The following CDKL5 variants were observed in gnomAD, a reference collection of about 807,000 sequenced individuals.
The protein encoded by CDKL5 is cyclin dependent kinase like 5, also known as cyclin-dependent kinase-like 5.
CDKL5 carries 8 observed loss-of-function variants against 61.7 expected under a neutral mutation model. The ratio of observed to expected loss-of-function variants is 0.13; its 90% CI spans 0.08 to 0.23. The LOEUF (loss-of-function observed/expected upper bound fraction) is 0.23, where lower values mean the gene tolerates loss of function less well. CDKL5 is among the 10% of genes least tolerant of loss of function. The probability of loss-of-function intolerance (pLI) is 1.00; values close to 1 mark genes in which losing one functional copy is unlikely to be tolerated. For synonymous variants in CDKL5, 275 were observed against 272.3 expected, an observed-to-expected ratio of 1.01 and a Z score of -0.10; for missense variants, 440 against 734.5, an observed-to-expected ratio of 0.60 and a Z score of 4.63.
chrX:18,425,797 C>T (rs1457092409), intron 1 of CDKL5, 102 bp downstream of exon 1: 1 of 112,334 alleles, frequency 8.9e-6, no homozygotes, highest in Non-Finnish European at 1.9e-5. Flanking sequence ...CCCAGTCCCC[C>T]CGGGCGGACA....
intron 4 of CDKL5, 105 bp downstream of exon 4, chrX:18,564,627 A>G (rs1417745125): frequency 2.1e-5 from 5 of 241,706 alleles, no homozygotes; most frequent in Non-Finnish European, 2.2e-5. Context: ...AGCTGGTCAG[A>G]CACTGTCTAT....
At chrX:18,559,857 C>T (rs2147129014) in intron 3 of CDKL5, among the ~76,000 whole-genome samples, 1 of 97,133 alleles carries the variant, frequency 1.0e-5, no homozygotes, top group African/African-American at 3.8e-5. Context: ...TTGTTCAGTT[C>T]CCATCTATGA....
At chrX:18,652,404 C>G (rs1218905950) in intron 21 of CDKL5, among the ~76,000 whole-genome samples, 2 of 112,443 alleles carry the variant, frequency 1.8e-5, no homozygotes, top group Non-Finnish European at 3.8e-5. Context: ...TGCAGTGGCT[C>G]ACGCCTGTAA....
downstream of CDKL5, chrX:18,644,631 G>A (rs372728604): frequency 5.8e-6 from 7 of 1,207,014 alleles, no homozygotes; most frequent in African/African-American, 3.5e-5. Context: ...CACACCTGCC[G>A]AGAACATACC....
intron 21 of CDKL5, among the ~76,000 whole-genome samples, chrX:18,650,881 G>A (rs1399702783): frequency 1.8e-5 from 2 of 112,423 alleles, no homozygotes; most frequent in Non-Finnish European, 3.8e-5. Flanking sequence ...GGGGCATGAT[G>A]TAGTACCTGT....
At chrX:18,524,401 CAG>C (rs1043264464) in intron 3 of CDKL5, among the ~76,000 whole-genome samples, 2 of 111,975 alleles carry the variant, frequency 1.8e-5, no homozygotes, top group African/African-American at 6.5e-5. Flanking sequence ...TGAATACCTG[CAG>C]AGTTGTGGAA....
At chrX:18,502,188 G>T (rs1569196962) in intron 1 of CDKL5, among the ~76,000 whole-genome samples, 1 of 111,304 alleles carries the variant, frequency 9.0e-6, no homozygotes, top group Non-Finnish European at 1.9e-5. Context: ...CAAAATACAA[G>T]ATAATAGTCT....
At position 18,629,705 on chromosome X, in the gene CDKL5, G is replaced by T; in HGVS notation, c.*948G>T. On this transcript the variant is annotated 3_prime_UTR_variant, in exon 18 of 18. Coordinates refer to ENST00000623535, the MANE Select transcript of CDKL5 (RefSeq NM_001323289.2). ...AGATGCAGCATCTCTTTCCAAACCT[G>T]CAGGGGAAGAAAGTCAGATAGGCCA... is the stretch of plus-strand genomic sequence containing the variant. 1.3e-6 allele frequency: 1 copy of T among 752,120 alleles called. No individual in the cohort carries two copies. The highest frequency in any genetic ancestry group is 1.6e-6 in the Non-Finnish European group (1 of 638,965). 62.0% of individuals were successfully genotyped at this position (752,120 alleles called of 1,213,427 possible). A position where few individuals can be genotyped will look rare whatever the true frequency, so the allele number is the denominator to read the frequency against.
chrX:18,634,071 C>G lies in CDKL5; in HGVS notation c.*5314C>G, dbSNP rs925941721. On this transcript the variant is annotated 3_prime_UTR_variant, in exon 18 of 18. Coordinates refer to ENST00000623535, the MANE Select transcript of CDKL5 (RefSeq NM_001323289.2). ...GCCCTTCATTTCCCACAAGGTTAAG[C>G]TCTCGAAACCCCATTTGATCCTTGG... 1.3e-6 allele frequency: 1 copy of G among 752,372 alleles called. No individual in the cohort carries two copies. Among genetic ancestry groups the G allele is most frequent in the African/African-American group, 2.3e-5 (1 of 43,104 alleles). 62.0% of individuals were successfully genotyped at this position (752,372 alleles called of 1,213,427 possible).
intron 1 of CDKL5, among the ~76,000 whole-genome samples, chrX:18,501,791 TA>T (rs1273727423): frequency 9.1e-6 from 1 of 109,732 alleles, no homozygotes; most frequent in African/African-American, 3.3e-5. Flanking sequence ...TCAGGTCATC[TA>T]CCTGCCTTGG....
intron 19 of CDKL5, among the ~76,000 whole-genome samples, chrX:18,645,331 C>A (rs1007339426): frequency 1.9e-4 from 21 of 110,956 alleles, no homozygotes; most frequent in African/African-American, 6.6e-4. Context: ...TATCCCACAC[C>A]TTTTCTAAAC....
At chrX:18,474,343 A>G (rs1921223594) in intron 1 of CDKL5, among the ~76,000 whole-genome samples, 1 of 111,394 alleles carries the variant, frequency 9.0e-6, no homozygotes, top group African/African-American at 3.3e-5. Context: ...TATTTCCCCG[A>G]AAACCATCCT....
At chrX:18,652,960 T>A (rs1168868818) in intron 21 of CDKL5, among the ~76,000 whole-genome samples, 1 of 112,678 alleles carries the variant, frequency 8.9e-6, no homozygotes, top group African/African-American at 3.2e-5. Flanking sequence ...GGCAGGCTTA[T>A]AAAGAATGCA....
downstream of CDKL5, chrX:18,644,344 C>CAG (rs1927688838): frequency 3.5e-6 from 3 of 848,327 alleles, no homozygotes; most frequent in Non-Finnish European, 5.3e-6. Context: ...GGTGCTCTGA[C>CAG]AGAGGGCAGT....
chrX:18,525,289 G>A (rs749227591), intron 3 of CDKL5, among the ~76,000 whole-genome samples: 1 of 111,017 alleles, frequency 9.0e-6, no homozygotes, highest in South Asian at 3.8e-4. Context: ...AGTAGAGATG[G>A]GGTTTCAGCA....
intron 1 of CDKL5, among the ~76,000 whole-genome samples, chrX:18,435,074 C>A (rs1437400828): frequency 9.0e-6 from 1 of 111,677 alleles, no homozygotes; most frequent in Non-Finnish European, 1.9e-5. Flanking sequence ...AGTTGAAGAA[C>A]AACTTACTGA....
chrX:18,481,123 T>C (rs1452203922), intron 1 of CDKL5, among the ~76,000 whole-genome samples: 1 of 109,924 alleles, frequency 9.1e-6, no homozygotes, highest in African/African-American at 3.3e-5. Context: ...CCTCCCAAAG[T>C]GTTGGGATGA....
intron 1 of CDKL5, among the ~76,000 whole-genome samples, chrX:18,499,115 G>A (rs1446922364): frequency 1.8e-5 from 2 of 111,855 alleles, no homozygotes; most frequent in East Asian, 5.6e-4. Flanking sequence ...CATATGATCA[G>A]TTTTTGTGAA....
chrX:18,635,399 G>A lies in CDKL5; in HGVS notation c.*6642G>A, dbSNP rs189229187. On this transcript the variant is annotated 3_prime_UTR_variant, in exon 18 of 18. Transcript: ENST00000623535. ...AAATGCAGATTTTGCACTGACTGAT[G>A]TGACTGCCAGGCCGTCCCAATCTTG... 5.3e-6 allele frequency: 4 copies of A among 752,789 alleles called. No homozygotes were observed. Among genetic ancestry groups the A allele is most frequent in the East Asian group, 1.5e-4 (1 of 6,599 alleles). The allele number at this position is 752,789 out of a possible 1,213,427, so 62.0% of individuals were successfully genotyped here. A position where few individuals can be genotyped will look rare whatever the true frequency, so the allele number is the denominator to read the frequency against.
Sources: allele counts gnomAD v4.1 joint callset (sites outside exome capture counted in the v4.1 genomes callset), GRCh38; gene constraint gnomAD v4.1.1; transcripts MANE v1.5; gene names NCBI Gene and HGNC (gene_info 2026-07-23, HGNC 2026-07-21).